UBR3: variants seen among roughly 807,000 people sequenced by gnomAD.
UBR3 encodes ubiquitin protein ligase E3 component n-recognin 3.
Under a neutral mutation model 243.2 loss-of-function variants are expected in UBR3, and 85 were observed. The observed-to-expected ratio is 0.35, with a 90% CI of 0.29 to 0.42. The LOEUF is 0.42. Among genes scored for constraint, UBR3 ranks in the 10% least tolerant of loss-of-function variants. The probability of loss-of-function intolerance (pLI) is 1.00; values close to 1 mark genes in which losing one functional copy is unlikely to be tolerated. For synonymous variants in UBR3, 748 were observed against 799.8 expected, an observed-to-expected ratio of 0.94 and a Z score of 1.09; for missense variants, 1,686 against 2,300.8, an observed-to-expected ratio of 0.73 and a Z score of 5.47.
At chr2:169,828,818 A>G (rs2081833404) in intron 1 of UBR3, among the ~76,000 whole-genome samples, 1 of 152,220 alleles carries the variant, frequency 6.6e-6, no homozygotes, top group African/African-American at 2.4e-5. Flanking sequence ...TTGTTCACTC[A>G]CTGATACGTG....
At chr2:169,933,594 A>C (rs2086218401) in intron 19 of UBR3, among the ~76,000 whole-genome samples, 1 of 152,196 alleles carries the variant, frequency 6.6e-6, no homozygotes, top group Non-Finnish European at 1.5e-5. Flanking sequence ...TTAAACCTTA[A>C]TAGTTAATAT....
At chr2:169,890,540 G>GAGAGAGAGAGATATAT (rs1553504401) in intron 5 of UBR3, among the ~76,000 whole-genome samples, 1 of 76,020 alleles carries the variant, frequency 1.3e-5, no homozygotes, top group African/African-American at 6.4e-5. Flanking sequence ...GAGAGAGAGA[G>GAGAGAGAGAGATATAT]ATATATATAT....
intron 10 of UBR3, among the ~76,000 whole-genome samples, chr2:169,913,656 A>G (rs1004495574): frequency 4.6e-5 from 7 of 152,142 alleles, no homozygotes; most frequent in Non-Finnish European, 1.0e-4. Flanking sequence ...CTTGAAGTAC[A>G]TTTACAGAGT....
At chr2:169,977,783 C>T (rs2088524135) in intron 24 of UBR3, among the ~76,000 whole-genome samples, 4 of 152,186 alleles carry the variant, frequency 2.6e-5, no homozygotes, top group Admixed American at 2.6e-4. Flanking sequence ...AACAATGTTC[C>T]ACCAGCCATC....
chr2:169,901,969 G>A (rs1222449935), intron 8 of UBR3, among the ~76,000 whole-genome samples: 2 of 152,172 alleles, frequency 1.3e-5, no homozygotes, highest in African/African-American at 2.4e-5. Flanking sequence ...TTGTTTGGAT[G>A]TCTATAAACA....
intron 30 of UBR3, among the ~76,000 whole-genome samples, chr2:170,017,450 T>C (rs1375473515): frequency 6.6e-6 from 1 of 151,838 alleles, no homozygotes; most frequent in Admixed American, 6.6e-5. Flanking sequence ...AAACTGAAAA[T>C]TTGTCTAGTC....
chr2:169,983,640 G>A (rs187979539), intron 24 of UBR3, among the ~76,000 whole-genome samples: 6 of 152,232 alleles, frequency 3.9e-5, no homozygotes, highest in African/African-American at 1.4e-4. Context: ...CTTGATGGGA[G>A]GAATTACAGT....
chr2:169,991,413 T>C (rs1186278681), intron 25 of UBR3, among the ~76,000 whole-genome samples: 1 of 152,140 alleles, frequency 6.6e-6, no homozygotes, highest in Non-Finnish European at 1.5e-5. Context: ...AACATTATCC[T>C]AGGTAGACCA....
rs1347822392 is a variant in UBR3, at chr2:170,080,404, G to A, written c.5410-141G>A. On this transcript the variant is annotated intron_variant, in intron 37 of 38. Transcript: ENST00000272793. ...TAATGTATTAATAATAAAGTGTTAG[G>A]AATGGAGTTATAAGTTTAACTTAAA... is the stretch of plus-strand genomic sequence containing the variant. The A allele has an allele frequency of 3.2e-6, 3 of 934,524 alleles. No individual in the cohort carries two copies. In the East Asian group the frequency reaches 8.1e-5, roughly 25 times the overall value. 57.9% of individuals were successfully genotyped at this position (934,524 alleles called of 1,614,324 possible). A position where few individuals can be genotyped will look rare whatever the true frequency, so the allele number is the denominator to read the frequency against.
At chr2:169,915,023 C>T (rs1177571061) in intron 11 of UBR3, among the ~76,000 whole-genome samples, 1 of 152,044 alleles carries the variant, frequency 6.6e-6, no homozygotes, top group Non-Finnish European at 1.5e-5. Flanking sequence ...GTGTTTCCTA[C>T]AAACAAGGAT....
chr2:169,889,963 A>C (rs1405854924), intron 5 of UBR3, among the ~76,000 whole-genome samples: 1 of 152,214 alleles, frequency 6.6e-6, no homozygotes, highest in East Asian at 1.9e-4. Context: ...AACTGACTAT[A>C]TGCCACATTA....
chr2:170,010,676 GAGAAACAGAGAAAATA>G (rs2090056176), intron 29 of UBR3, among the ~76,000 whole-genome samples: 1 of 152,238 alleles, frequency 6.6e-6, no homozygotes, highest in South Asian at 2.1e-4. Context: ...GGTGTAAACG[GAGAAACAGAGAAAATA>G]TACTTCCCCC....
At chr2:170,038,276 ACTTT>A (rs1460651782) in intron 31 of UBR3, among the ~76,000 whole-genome samples, 4 of 152,168 alleles carry the variant, frequency 2.6e-5, no homozygotes, top group African/African-American at 9.6e-5. Context: ...GGATCCATAA[ACTTT>A]CTTCTAATTT....
intron 24 of UBR3, among the ~76,000 whole-genome samples, chr2:169,975,802 T>TA (rs1559150087): frequency 6.6e-6 from 1 of 151,960 alleles, no homozygotes; most frequent in Non-Finnish European, 1.5e-5. Flanking sequence ...ACTCTGTCTC[T>TA]AAAAAAACAA....
intron 24 of UBR3, among the ~76,000 whole-genome samples, chr2:169,969,966 A>T (rs1574309360): frequency 9.8e-6 from 1 of 102,564 alleles, no homozygotes. Context: ...TTGGCTCAGG[A>T]TTGCTTTGGC....
intron 32 of UBR3, among the ~76,000 whole-genome samples, 157 bp downstream of exon 32, chr2:170,041,142 A>G (rs2090958331): frequency 1.3e-5 from 2 of 152,216 alleles, no homozygotes; most frequent in South Asian, 4.1e-4. Context: ...CAGGAGCTCG[A>G]GACCAGCCTG....
intron 30 of UBR3, among the ~76,000 whole-genome samples, chr2:170,023,904 G>A (rs1025763552): frequency 1.1e-4 from 16 of 151,630 alleles, no homozygotes; most frequent in African/African-American, 3.9e-4. Flanking sequence ...GTAGAGAAAA[G>A]GTTTCACCAT....
intron 19 of UBR3, among the ~76,000 whole-genome samples, chr2:169,934,478 G>C (rs2086250511): frequency 1.3e-5 from 2 of 152,122 alleles, no homozygotes. Flanking sequence ...TTTATTGAAT[G>C]CTCTGCCTCG....
chr2:169,839,076 T>G lies in UBR3; in HGVS notation c.545+11024T>G, dbSNP rs541271965. ...GAAAAGAGACCTGAAGTCCCATGCT[T>G]ATTGCAGCACCATTCATAGTAGCCA... On this transcript the variant is annotated intron_variant, in intron 1 of 38. Coordinates refer to ENST00000272793, the MANE Select transcript of UBR3 (RefSeq NM_172070.4). Among the ~76,000 whole-genome samples the G allele has an allele frequency of 9.8e-5, 15 of 152,356 alleles. No individual in the cohort carries two copies. The East Asian group carries it at 2.7e-3, about 27-fold the overall frequency.
Sources: gnomAD v4.1 joint callset for allele counts (sites outside exome capture counted in the v4.1 genomes callset) on GRCh38, gnomAD v4.1.1 for gene constraint, MANE v1.5 for transcripts, NCBI Gene and HGNC (gene_info 2026-07-23, HGNC 2026-07-21) for gene names.